The following SAMSN1 variants were observed in gnomAD, a reference collection of about 807,000 sequenced individuals.
The protein encoded by SAMSN1 is SAM domain, SH3 domain and nuclear localization signals 1, also known as SAM domain-containing protein SAMSN-1.
Under a neutral mutation model 42.0 loss-of-function variants are expected in SAMSN1, and 31 were observed. The ratio of observed to expected loss-of-function variants is 0.74; its 90% CI spans 0.55 to 1.00. The LOEUF (loss-of-function observed/expected upper bound fraction) is 1.00. Ranked by LOEUF, SAMSN1 falls within the 50% of genes least tolerant of loss-of-function variation. The pLI is 0.00. For missense variants in SAMSN1, 464 were observed against 439.4 expected (o/e 1.06, Z -0.50); for synonymous variants, 178 against 151.9 (o/e 1.17, Z -1.26).
chr21:14,491,939 A>G (rs754988937), intron 7 of SAMSN1, among the ~76,000 whole-genome samples: 34 of 152,212 alleles, frequency 2.2e-4, no homozygotes, highest in Non-Finnish European at 3.8e-4. Flanking sequence ...ATTTGCTTTC[A>G]CATTTAACAT....
At chr21:14,562,983 G>A (rs997195570) in intron 2 of SAMSN1, among the ~76,000 whole-genome samples, 20 of 152,092 alleles carry the variant, frequency 1.3e-4, no homozygotes, top group African/African-American at 4.3e-4. Flanking sequence ...TTCTAGTCTT[G>A]GATGGTTTAA....
intron 2 of SAMSN1, among the ~76,000 whole-genome samples, chr21:14,625,807 GC>G (rs1983152075): frequency 6.6e-6 from 1 of 152,174 alleles, no homozygotes; most frequent in Non-Finnish European, 1.5e-5. Flanking sequence ...CCAAACAAGA[GC>G]CTGCATTGCC....
intron 2 of SAMSN1, among the ~76,000 whole-genome samples, chr21:14,571,943 A>T (rs1294818522): frequency 1.3e-5 from 2 of 152,206 alleles, no homozygotes; most frequent in African/African-American, 4.8e-5. Context: ...TGGGCAAACT[A>T]TATGAAATAA....
At chr21:14,628,906 A>G (rs140715222) in intron 2 of SAMSN1, among the ~76,000 whole-genome samples, 1 of 152,322 alleles carries the variant, frequency 6.6e-6, no homozygotes, top group East Asian at 1.9e-4. Flanking sequence ...TACTATTACA[A>G]TTAACCTCAA....
chr21:14,628,780 C>A (rs1032260828), intron 2 of SAMSN1, among the ~76,000 whole-genome samples: 5 of 152,064 alleles, frequency 3.3e-5, no homozygotes, highest in African/African-American at 1.2e-4. Flanking sequence ...TTTGTGATTT[C>A]TTGATTTTAC....
intron 7 of SAMSN1, chr21:14,495,579 G>A (rs2123669447): frequency 6.6e-6 from 1 of 152,070 alleles, no homozygotes; most frequent in South Asian, 2.1e-4. Flanking sequence ...CCAGAATTTG[G>A]CTCTGTGTAT....
At chr21:14,545,318 A>T (rs1197954546) in intron 1 of SAMSN1, among the ~76,000 whole-genome samples, 1 of 152,144 alleles carries the variant, frequency 6.6e-6, no homozygotes, top group Non-Finnish European at 1.5e-5. Context: ...TGGGTGCCTA[A>T]CATATAAAGA....
At chr21:14,598,426 A>C (rs1021799342) in intron 6 of SAMSN1, 1 of 152,190 alleles carries the variant, frequency 6.6e-6, no homozygotes, top group South Asian at 2.1e-4. Flanking sequence ...GCAAAAATAA[A>C]TGCTGGGAGT....
chr21:14,655,578 T>G (rs1325980680), intron 1 of SAMSN1, among the ~76,000 whole-genome samples: 2 of 151,732 alleles, frequency 1.3e-5, no homozygotes, highest in Non-Finnish European at 3.0e-5. Context: ...CAATAAATAT[T>G]TAAGGCATTT....
intron 5 of SAMSN1, among the ~76,000 whole-genome samples, chr21:14,509,196 T>C (rs1027366426): frequency 6.6e-6 from 1 of 151,940 alleles, no homozygotes; most frequent in Non-Finnish European, 1.5e-5. Context: ...ATGGTGTATA[T>C]ATATACAATG....
upstream of SAMSN1, among the ~76,000 whole-genome samples, chr21:14,586,768 A>G (rs187674105): frequency 5.1e-4 from 78 of 152,290 alleles, no homozygotes; most frequent in African/African-American, 1.8e-3. Context: ...AAGGAACCAG[A>G]TATGTGAAGA....
intron 4 of SAMSN1, 94 bp from the exon 5 acceptor site, chr21:14,510,555 C>A: frequency 7.1e-7 from 1 of 1,408,600 alleles, no homozygotes; most frequent in South Asian, 1.2e-5. Context: ...TGCTGGAACA[C>A]TGGATGCCAG....
At chr21:14,491,268 CT>C (rs112877047) in intron 7 of SAMSN1, among the ~76,000 whole-genome samples, 1,601 of 144,482 alleles carry the variant, frequency 0.011, 9 homozygotes, top group African/African-American at 0.013. Flanking sequence ...CTGGCTTTCC[CT>C]TTTTTTTTTT....
chr21:14,536,618 G>C (rs1466836760), intron 1 of SAMSN1, among the ~76,000 whole-genome samples: 1 of 152,110 alleles, frequency 6.6e-6, no homozygotes, highest in Non-Finnish European at 1.5e-5. Flanking sequence ...AGTGGTCAAG[G>C]CTAAAAATTA....
intron 2 of SAMSN1, among the ~76,000 whole-genome samples, chr21:14,520,631 G>A (rs572367699): frequency 3.3e-5 from 5 of 152,212 alleles, no homozygotes; most frequent in African/African-American, 7.2e-5. Flanking sequence ...CCTCCCCTTC[G>A]AGCCTAAAAC....
At chr21:14,501,399 CAG>C (rs1987145771) in intron 5 of SAMSN1, among the ~76,000 whole-genome samples, 1 of 152,102 alleles carries the variant, frequency 6.6e-6, no homozygotes, top group Non-Finnish European at 1.5e-5. Flanking sequence ...GAAAAAGAAA[CAG>C]AGATATTAAA....
chr21:14,553,264 G>A (rs1980659132), intron 2 of SAMSN1, among the ~76,000 whole-genome samples: 1 of 151,828 alleles, frequency 6.6e-6, no homozygotes, highest in Non-Finnish European at 1.5e-5. Context: ...GTTAAATATT[G>A]TTTAATGCTT....
At chr21:14,609,477 A>G in intron 5 of SAMSN1, 1 of 717,898 alleles carries the variant, frequency 1.4e-6, no homozygotes, top group Non-Finnish European at 2.6e-6. Flanking sequence ...AAATTTAGCA[A>G]TTACCTTTTA....
At chr21:14,572,159 A>G (rs1461365190) in intron 2 of SAMSN1, among the ~76,000 whole-genome samples, 1 of 152,194 alleles carries the variant, frequency 6.6e-6, no homozygotes, top group Non-Finnish European at 1.5e-5. Flanking sequence ...ATAATAAATT[A>G]TAATTAAATG....
Sources: gnomAD v4.1 joint callset for allele counts (sites outside exome capture counted in the v4.1 genomes callset) on GRCh38, gnomAD v4.1.1 for gene constraint, MANE v1.5 for transcripts, NCBI Gene and HGNC (gene_info 2026-07-23, HGNC 2026-07-21) for gene names.